The following MBP variants were observed in gnomAD, a reference collection of about 807,000 sequenced individuals.
The protein encoded by MBP is Golli-MBP.
A neutral mutation model predicts 35.8 loss-of-function variants in MBP; 16 were observed. That is an observed-to-expected ratio of 0.45 (90% CI 0.30 to 0.68). MBP has a LOEUF of 0.68. MBP is among the 30% of genes least tolerant of loss of function. MBP has a pLI of 0.08. For synonymous variants in MBP, 143 were observed against 159.6 expected (o/e 0.90, Z 0.78); for missense variants, 380 against 404.7 (o/e 0.94, Z 0.52).
At chr18:77,021,075 G>GA (rs1197379450) in intron 3 of MBP, among the ~76,000 whole-genome samples, 2 of 152,198 alleles carry the variant, frequency 1.3e-5, no homozygotes, top group African/African-American at 4.8e-5. Flanking sequence ...TGTCTTCTGA[G>GA]AAAGAGTCCT....
At position 77,101,942 on chromosome 18, in the gene MBP, C is replaced by G. The variant is rs1976032515; in HGVS notation, c.51+3269G>C. On this transcript the variant is annotated intron_variant, in intron 2 of 8. Coordinates refer to ENST00000355994, the MANE Select transcript of MBP (RefSeq NM_001025101.2). The surrounding 1 kb of genome is among the most constrained non-coding windows in gnomAD (Gnocchi z 4.3). The stretch of plus-strand genomic sequence containing the variant: ...GGTATGATTCATTTACTCTTTCGAA[C>G]ATCTGTAAGCCAGTTATGTGCTGGG... Among the ~76,000 whole-genome samples, 1 of 152,188 alleles carries G rather than the reference C, an allele frequency of 6.6e-6. No individual in the cohort carries two copies. Among genetic ancestry groups the G allele is most frequent in the African/African-American group, 2.4e-5 (1 of 41,434 alleles).
chr18:77,102,615 T>C lies in MBP; in HGVS notation c.51+2596A>G, dbSNP rs1010813910. Among the ~76,000 whole-genome samples, 13 of 152,232 alleles carry C rather than the reference T, an allele frequency of 8.5e-5. No homozygotes were observed. The highest frequency in any genetic ancestry group is 3.1e-4 in the African/African-American group (13 of 41,470). ...CATGAGATTTCAGAAAACAAAAGCC[T>C]CAGCATGGGCTTTGCTATGGCTCAA... On this transcript the variant is annotated intron_variant, in intron 2 of 8. Transcript: ENST00000355994. This position sits in a 1 kb window ranked among gnomAD's most constrained non-coding sequence, Gnocchi z 4.4.
At chr18:77,001,024 G>C (rs546350627) in intron 4 of MBP, among the ~76,000 whole-genome samples, 1 of 152,260 alleles carries the variant, frequency 6.6e-6, no homozygotes, top group African/African-American at 2.4e-5. Flanking sequence ...TTGTCTGAGA[G>C]AGGAATTTAA....
At chr18:76,993,887 G>A (rs1970119004) in intron 4 of MBP, among the ~76,000 whole-genome samples, 1 of 152,230 alleles carries the variant, frequency 6.6e-6, no homozygotes, top group Non-Finnish European at 1.5e-5. Context: ...GATGTCAGAA[G>A]GGCCAGGAAC....
At chr18:77,113,854 G>C (rs140016665) in intron 1 of MBP, 1 of 152,216 alleles carries the variant, frequency 6.6e-6, no homozygotes, top group African/African-American at 2.4e-5. Context: ...GACGAAGAAC[G>C]ACCTGCAAGC....
intron 3 of MBP, among the ~76,000 whole-genome samples, chr18:77,022,079 C>T (rs988590954): frequency 1.3e-5 from 2 of 152,188 alleles, no homozygotes; most frequent in African/African-American, 4.8e-5. Context: ...AAAAGGATTC[C>T]AGTGCTTCTG....
At position 76,988,069 on chromosome 18, in the gene MBP, T is replaced by C. The variant is rs778927704; in HGVS notation, c.750+426A>G. The C allele has an allele frequency of 1.4e-6, 2 of 1,449,690 alleles. No homozygotes were observed. Among genetic ancestry groups the C allele is most frequent in the Non-Finnish European group, 1.8e-6 (2 of 1,103,658 alleles). The allele number at this position is 1,449,690 out of a possible 1,614,324, so 89.8% of individuals were successfully genotyped here. Reference sequence around the variant, plus strand: ...TTTCTGTTCATCAGCAGAATCATTTTCCCAGTGTCAGCATCTGGGGTCACT... The same window carrying C: ...TTTCTGTTCATCAGCAGAATCATTTCCCCAGTGTCAGCATCTGGGGTCACT... On this transcript the variant is annotated intron_variant, in intron 7 of 8. Transcript: ENST00000355994. This position sits in a 1 kb window ranked among gnomAD's most constrained non-coding sequence, Gnocchi z 5.2.
rs1335815898 is a variant in MBP at position 77,101,393 on chromosome 18, G to A, written c.51+3818C>T. ...ACTTAAAAAACACAGGGAGTCAAAG[G>A]CAGAACAGGAGTTTCTTCGTTTCTG... On this transcript the variant is annotated intron_variant, in intron 2 of 8. Coordinates refer to ENST00000355994, the MANE Select transcript of MBP (RefSeq NM_001025101.2). This position sits in a 1 kb window ranked among gnomAD's most constrained non-coding sequence, Gnocchi z 4.3. Among the ~76,000 whole-genome samples the A allele has an allele frequency of 6.6e-6, 1 of 152,214 alleles. No individual in the cohort carries two copies. Among genetic ancestry groups the A allele is most frequent in the Non-Finnish European group, 1.5e-5 (1 of 68,036 alleles).
At chr18:77,083,027 T>G (rs1304124850) in intron 2 of MBP, among the ~76,000 whole-genome samples, 1 of 151,702 alleles carries the variant, frequency 6.6e-6, no homozygotes. Flanking sequence ...CAGGCTAGAG[T>G]GAAGTGGCAC....
intron 4 of MBP, among the ~76,000 whole-genome samples, chr18:77,012,150 C>T (rs1241203057): frequency 6.6e-6 from 1 of 152,226 alleles, no homozygotes; most frequent in African/African-American, 2.4e-5. Flanking sequence ...ACTCTTGTTT[C>T]TAATTTCTCA....
At chr18:77,024,303 A>C (rs1476596858) in intron 3 of MBP, among the ~76,000 whole-genome samples, 1 of 149,212 alleles carries the variant, frequency 6.7e-6, no homozygotes, top group Admixed American at 6.6e-5. Flanking sequence ...TGTGTGACCC[A>C]AGACAATTCT....
chr18:76,992,663 G>A (rs199736436), intron 4 of MBP, among the ~76,000 whole-genome samples: 1 of 152,162 alleles, frequency 6.6e-6, no homozygotes, highest in Admixed American at 6.5e-5. Context: ...AGCAAGCTTC[G>A]GGAAACAGAA....
chr18:77,108,291 T>G (rs774881091), intron 1 of MBP: 5 of 152,244 alleles, frequency 3.3e-5, no homozygotes, highest in Non-Finnish European at 7.3e-5. Context: ...TCTTTTTTAT[T>G]TCATTTTTTG....
intron 4 of MBP, chr18:77,004,527 G>A (rs866842089): frequency 2.5e-4 from 38 of 152,104 alleles, no homozygotes; most frequent in African/African-American, 8.7e-4. Flanking sequence ...TGAAAGTCAC[G>A]GGCATTTACT....
chr18:77,092,522 C>T (rs1374100462), intron 2 of MBP, among the ~76,000 whole-genome samples: 1 of 152,226 alleles, frequency 6.6e-6, no homozygotes, highest in African/African-American at 2.4e-5. Flanking sequence ...GCATCCACTA[C>T]AACTCAAACA....
chr18:76,987,595 A>C, intron 7 of MBP: 8 of 984,960 alleles, frequency 8.1e-6, no homozygotes, highest in Non-Finnish European at 9.6e-6. Flanking sequence ...AAATGTATTC[A>C]TTCATTTATA....
intron 8 of MBP, 144 bp downstream of exon 8, chr18:76,984,631 C>T: frequency 1.9e-6 from 2 of 1,081,012 alleles, no homozygotes; most frequent in African/African-American, 1.6e-5. Flanking sequence ...GCCACCTGAG[C>T]CCCTGCACGC....
At chr18:76,983,731 TC>T (rs11293166) in intron 8 of MBP, 2,074 of 152,274 alleles carry the variant, frequency 0.014, 43 homozygotes, top group African/African-American at 0.047. Context: ...CCACAGAACC[TC>T]CCAGAACCTC....
At chr18:76,984,731 G>T in intron 8 of MBP, 44 bp downstream of exon 8, 1 of 1,613,080 alleles carries the variant, frequency 6.2e-7, no homozygotes, top group South Asian at 1.1e-5. Flanking sequence ...GATTCTGGGA[G>T]CCCTTAGTCC....
Sources: allele counts gnomAD v4.1 joint callset (sites outside exome capture counted in the v4.1 genomes callset), GRCh38; gene constraint gnomAD v4.1.1; non-coding constraint Gnocchi (gnomAD v3.1); transcripts MANE v1.5; gene names NCBI Gene and HGNC (gene_info 2026-07-23, HGNC 2026-07-21).